Variants in PTPRD observed in about 807,000 individuals in gnomAD.
The protein encoded by PTPRD is protein tyrosine phosphatase receptor type D.
PTPRD carries 34 observed loss-of-function variants against 214.5 expected under a neutral mutation model. That is an observed-to-expected ratio of 0.16 (90% CI 0.12 to 0.21). The LOEUF is 0.21. Among genes scored for constraint, PTPRD ranks in the 10% least tolerant of loss-of-function variants. The pLI, the probability that PTPRD is intolerant of heterozygous loss-of-function variation, is 1.00. For missense variants in PTPRD, 2,545 were observed against 2,398.7 expected (o/e 1.06, Z -1.27); for synonymous variants, 1,128 against 845.7 (o/e 1.33, Z -5.79).
intron 8 of PTPRD, among the ~76,000 whole-genome samples, chr9:9,529,089 C>T (rs1222182415): frequency 1.3e-5 from 2 of 151,620 alleles, no homozygotes; most frequent in Non-Finnish European, 2.9e-5. Flanking sequence ...CATGCCACCA[C>T]GCCTAGCTAA....
chr9:10,152,470 C>T (rs764321840), intron 3 of PTPRD, among the ~76,000 whole-genome samples: 11 of 152,076 alleles, frequency 7.2e-5, no homozygotes, highest in Non-Finnish European at 1.3e-4. Context: ...GTCATATTCT[C>T]TTAAAACGTC....
intron 11 of PTPRD, among the ~76,000 whole-genome samples, chr9:8,778,418 T>C (rs1395098394): frequency 2.6e-5 from 4 of 152,218 alleles, no homozygotes; most frequent in African/African-American, 4.8e-5. Context: ...CAGCCTCCTC[T>C]AACTTCTGAG....
intron 2 of PTPRD, among the ~76,000 whole-genome samples, chr9:10,606,756 G>T (rs1230031682): frequency 6.6e-6 from 1 of 151,752 alleles, no homozygotes; most frequent in Non-Finnish European, 1.5e-5. Flanking sequence ...TGAACACAAT[G>T]CTTGCCTGGC....
chr9:9,375,863 A>G (rs1396332855), intron 9 of PTPRD, among the ~76,000 whole-genome samples: 2 of 152,138 alleles, frequency 1.3e-5, no homozygotes, highest in Non-Finnish European at 2.9e-5. Flanking sequence ...GGAATGGATA[A>G]TGATGATGGT....
intron 8 of PTPRD, among the ~76,000 whole-genome samples, chr9:9,409,966 T>A (rs911628893): frequency 6.6e-6 from 1 of 152,176 alleles, no homozygotes; most frequent in East Asian, 1.9e-4. Flanking sequence ...TGTTGGCCTG[T>A]CTGACTACCA....
chr9:8,748,711 A>C (rs535518346), intron 11 of PTPRD, among the ~76,000 whole-genome samples: 30 of 152,110 alleles, frequency 2.0e-4, no homozygotes, highest in African/African-American at 6.7e-4. Flanking sequence ...CAGGAGTTCA[A>C]GACCAGCCTG....
At chr9:8,331,458 T>A in intron 44 of PTPRD, 124 bp downstream of exon 44, 4 of 1,103,916 alleles carry the variant, frequency 3.6e-6, no homozygotes, top group Non-Finnish European at 3.8e-6. Context: ...CAATCCTGCT[T>A]TAAGTTTTGT....
chr9:8,522,458 C>T (rs899964843), intron 19 of PTPRD, among the ~76,000 whole-genome samples: 1 of 152,168 alleles, frequency 6.6e-6, no homozygotes, highest in Non-Finnish European at 1.5e-5. Flanking sequence ...GGGTGTTTCA[C>T]ATACAGGATT....
rs549712057 is a variant in PTPRD at position 10,194,406 on chromosome 9, A to G, written c.-545+146557T>C. Reference sequence around the variant, plus strand: ...GAGAGAGAGAGAGAGAGAGCTATTCACATTCATATTTTGTAATTGGCAGAA... The same window carrying G: ...GAGAGAGAGAGAGAGAGAGCTATTCGCATTCATATTTTGTAATTGGCAGAA... On this transcript the variant is annotated intron_variant, in intron 3 of 45. Coordinates refer to ENST00000381196, the MANE Select transcript of PTPRD (RefSeq NM_002839.4). 2.1e-5 allele frequency among the ~76,000 whole-genome samples: 3 copies of G among 145,226 alleles called. No individual in the cohort carries two copies. In the South Asian group the frequency reaches 6.7e-4, roughly 32 times the overall value.
chr9:8,646,645 T>C (rs776155778), intron 12 of PTPRD, among the ~76,000 whole-genome samples: 1 of 152,208 alleles, frequency 6.6e-6, no homozygotes, highest in Non-Finnish European at 1.5e-5. Context: ...CTAGATGAAA[T>C]GTACCATCCT....
At chr9:9,947,565 T>TATATATATTTTATATATATA (rs2092913610) in intron 4 of PTPRD, among the ~76,000 whole-genome samples, 1 of 37,144 alleles carries the variant, frequency 2.7e-5, no homozygotes, top group African/African-American at 1.7e-4. Flanking sequence ...ATATATATTT[T>TATATATATTTTATATATATA]ATATATATAT....
At chr9:10,583,150 ATC>A (rs2072598586) in intron 2 of PTPRD, among the ~76,000 whole-genome samples, 1 of 152,160 alleles carries the variant, frequency 6.6e-6, no homozygotes, top group South Asian at 2.1e-4. Context: ...CTGTTTATCT[ATC>A]TGTTTGTTAA....
chr9:9,798,653 C>T lies in PTPRD; in HGVS notation c.-367-31802G>A, dbSNP rs574231239. Among the ~76,000 whole-genome samples the T allele has an allele frequency of 4.4e-4, 67 of 152,258 alleles. 1 individual carries two copies. The South Asian group carries it at 0.013, about 29-fold the overall frequency. Reference sequence around the variant, plus strand: ...GGTATCATGTTCTGAATTCCATCAGCATGCAGCAGCCTAGAAGTAGAAATG... The same window carrying T: ...GGTATCATGTTCTGAATTCCATCAGTATGCAGCAGCCTAGAAGTAGAAATG... On this transcript the variant is annotated intron_variant, in intron 5 of 45. Transcript: ENST00000381196.
chr9:10,268,293 A>AAATAATAATAATAATAAT (rs56131711), intron 3 of PTPRD, among the ~76,000 whole-genome samples: 67 of 144,846 alleles, frequency 4.6e-4, no homozygotes, highest in African/African-American at 1.5e-3. Context: ...CTGTTGCTAT[A>AAATAATAATAATAATAAT]AATAATAATA....
At chr9:8,560,948 G>A (rs548251596) in intron 14 of PTPRD, among the ~76,000 whole-genome samples, 34 of 150,672 alleles carry the variant, frequency 2.3e-4, no homozygotes, top group Admixed American at 3.3e-4. Flanking sequence ...AAAACACTCC[G>A]TAGACATGGT....
intron 11 of PTPRD, among the ~76,000 whole-genome samples, chr9:8,820,911 T>G (rs889016493): frequency 5.9e-5 from 9 of 152,198 alleles, no homozygotes; most frequent in Non-Finnish European, 1.2e-4. Context: ...TTTCTAACTC[T>G]TAATAATATG....
At chr9:9,648,199 G>A (rs2096245833) in intron 7 of PTPRD, among the ~76,000 whole-genome samples, 1 of 151,444 alleles carries the variant, frequency 6.6e-6, no homozygotes, top group Non-Finnish European at 1.5e-5. Flanking sequence ...TTGAATCTAT[G>A]TATAAATCTT....
chr9:9,580,553 T>C lies in PTPRD; in HGVS notation c.-286-5772A>G, dbSNP rs1009592573. 2.2e-3 allele frequency among the ~76,000 whole-genome samples: 321 copies of C among 145,122 alleles called. 2 individuals carry two copies. The highest frequency in any genetic ancestry group is 7.6e-3 in the African/African-American group (300 of 39,650). On this transcript the variant is annotated intron_variant, in intron 7 of 45. Coordinates refer to ENST00000381196, the MANE Select transcript of PTPRD (RefSeq NM_002839.4). ...CCTTAGCTTACTTTATTTTCTTTTT[T>C]TTTTTTTTTTTTTGAGACAGAGTCT...
chr9:10,378,504 C>A (rs1331952178), intron 2 of PTPRD, among the ~76,000 whole-genome samples: 2 of 151,894 alleles, frequency 1.3e-5, no homozygotes, highest in East Asian at 1.9e-4. Context: ...AGATAGTAGA[C>A]CCCTATCTCT....
Sources: allele counts gnomAD v4.1 joint callset (sites outside exome capture counted in the v4.1 genomes callset), GRCh38; gene constraint gnomAD v4.1.1; transcripts MANE v1.5; gene names NCBI Gene and HGNC (gene_info 2026-07-23, HGNC 2026-07-21).